The following PAM variants were observed in gnomAD, a reference collection of about 807,000 sequenced individuals.
PAM encodes peptidyl-glycine alpha-amidating monooxygenase.
A neutral mutation model predicts 122.1 loss-of-function variants in PAM; 72 were observed. That is an observed-to-expected ratio of 0.59 (90% CI 0.49 to 0.72). The LOEUF (loss-of-function observed/expected upper bound fraction) is 0.72. Ranked by LOEUF, PAM falls within the 30% of genes least tolerant of loss-of-function variation. PAM has a pLI of 0.00. For missense variants in PAM, 1,106 were observed against 1,183.7 expected (o/e 0.93, Z 0.96); for synonymous variants, 389 against 404.4 (o/e 0.96, Z 0.46).
At position 102,795,368 on chromosome 5, in the gene PAM, G is replaced by A. The variant is rs140773500; in HGVS notation, c.-374+40020G>A. Among the ~76,000 whole-genome samples the A allele has an allele frequency of 4.7e-3, 716 of 152,146 alleles. 6 individuals are homozygous for A. Among genetic ancestry groups the A allele is most frequent in the African/African-American group, 0.017 (686 of 41,506 alleles). On this transcript the variant is annotated intron_variant, in intron 1 of 25. Transcript: ENST00000438793. ...TGAGATTTTTGCAGGAACCAAATGA[G>A]ACAGGAAGAAATGTTTTAAACTGCT...
At chr5:102,794,319 T>C (rs1489593750) in intron 1 of PAM, among the ~76,000 whole-genome samples, 1 of 152,184 alleles carries the variant, frequency 6.6e-6, no homozygotes, top group East Asian at 1.9e-4. Context: ...CTGAAAGGAA[T>C]TGGCAGAAGT....
chr5:102,792,962 A>G (rs1025815029), intron 1 of PAM, among the ~76,000 whole-genome samples: 51 of 152,296 alleles, frequency 3.3e-4, no homozygotes, highest in African/African-American at 1.1e-3. Context: ...ATCAAGTAAC[A>G]TTGGAATAAT....
intron 1 of PAM, among the ~76,000 whole-genome samples, chr5:102,794,237 T>A (rs1561464175): frequency 6.6e-6 from 1 of 152,054 alleles, no homozygotes; most frequent in Non-Finnish European, 1.5e-5. Flanking sequence ...CCCACTGAGG[T>A]GAAGGAGGGA....
chr5:102,971,387 G>A (rs898053976), intron 14 of PAM, among the ~76,000 whole-genome samples: 1 of 152,106 alleles, frequency 6.6e-6, no homozygotes, highest in African/African-American at 2.4e-5. Flanking sequence ...TTACTTAAAG[G>A]CACAAAGTAG....
At chr5:102,935,219 A>G (rs995072270) in intron 7 of PAM, among the ~76,000 whole-genome samples, 2 of 151,886 alleles carry the variant, frequency 1.3e-5, no homozygotes, top group African/African-American at 2.4e-5. Context: ...CAGCATTTCT[A>G]TATGTGGAAG....
rs115210985 is a variant in PAM at position 102,859,667 on chromosome 5, G to A, written c.-373-6156G>A. ...CCTGTACAGTGTTATAAAGTCTATA[G>A]TAGTGTACAGTAATGTCCTAGGCCT... On this transcript the variant is annotated intron_variant, in intron 1 of 25. Transcript: ENST00000438793. 3.9e-3 allele frequency among the ~76,000 whole-genome samples: 600 copies of A among 152,246 alleles called. 1 individual carries two copies. The highest frequency in any genetic ancestry group is 0.014 in the African/African-American group (586 of 41,530).
chr5:102,861,018 CT>C (rs1784028113), intron 1 of PAM, among the ~76,000 whole-genome samples: 1 of 152,130 alleles, frequency 6.6e-6, no homozygotes, highest in African/African-American at 2.4e-5. Context: ...AGACTGCTCA[CT>C]CTGGGGGAAG....
intron 1 of PAM, among the ~76,000 whole-genome samples, chr5:102,763,663 AGT>A (rs1029008918): frequency 2.6e-5 from 4 of 152,182 alleles, no homozygotes; most frequent in African/African-American, 7.2e-5. Context: ...TAGGAAGAAA[AGT>A]GTTCCAGAAA....
At chr5:102,996,174 G>C (rs890187795) in intron 16 of PAM, among the ~76,000 whole-genome samples, 1 of 152,104 alleles carries the variant, frequency 6.6e-6, no homozygotes, top group African/African-American at 2.4e-5. Context: ...CATTAATGGA[G>C]AATTCAAACT....
At chr5:102,860,061 G>A (rs568218145) in intron 1 of PAM, among the ~76,000 whole-genome samples, 3 of 152,166 alleles carry the variant, frequency 2.0e-5, no homozygotes, top group South Asian at 4.1e-4. Context: ...CTCTCTATAT[G>A]TATGCTGTTC....
At chr5:102,859,410 G>GT (rs149043528) in intron 1 of PAM, among the ~76,000 whole-genome samples, 3,176 of 148,106 alleles carry the variant, frequency 0.021, 127 homozygotes, top group African/African-American at 0.073. Context: ...GTTTAATAAG[G>GT]TTTTTTTTTA....
intron 7 of PAM, among the ~76,000 whole-genome samples, chr5:102,943,785 G>C (rs1436356452): frequency 6.6e-6 from 1 of 152,110 alleles, no homozygotes; most frequent in African/African-American, 2.4e-5. Context: ...CTATATATCT[G>C]ATAAAATAAT....
chr5:102,779,839 TG>T (rs1400619247), intron 1 of PAM, among the ~76,000 whole-genome samples: 1 of 147,434 alleles, frequency 6.8e-6, no homozygotes, highest in African/African-American at 2.5e-5. Context: ...CGGCCTATTG[TG>T]GGACCTTGTG....
At chr5:102,814,861 T>G (rs961089933) in intron 1 of PAM, among the ~76,000 whole-genome samples, 2 of 152,032 alleles carry the variant, frequency 1.3e-5, no homozygotes, top group African/African-American at 4.8e-5. Context: ...CTTGCCTGAC[T>G]GTAAAACTCA....
In PAM at chr5:102,924,904, T is replaced by G. The variant is rs1324827703; in HGVS notation, c.357-53T>G. The G allele has an allele frequency of 3.2e-6, 3 of 946,530 alleles. No homozygotes were observed. The East Asian group carries it at 7.2e-5, about 23-fold the overall frequency. The allele number at this position is 946,530 out of a possible 1,614,324, so 58.6% of individuals were successfully genotyped here. Reference sequence around the variant, plus strand: ...ATCACCTCCCACCATGGGGAGCAATTTATGCATTTCACTATTTAAATCTTC... The same window carrying G: ...ATCACCTCCCACCATGGGGAGCAATGTATGCATTTCACTATTTAAATCTTC... On this transcript the variant is annotated intron_variant, in intron 5 of 25. Coordinates refer to ENST00000438793, the MANE Select transcript of PAM (RefSeq NM_001177306.2).
chr5:102,946,040 G>A (rs1039755235), intron 7 of PAM, among the ~76,000 whole-genome samples: 3 of 152,148 alleles, frequency 2.0e-5, no homozygotes, highest in Non-Finnish European at 4.4e-5. Context: ...AAGTTTCTGA[G>A]TTCACAGAAG....
chr5:103,029,433 AGT>A lies in PAM; in HGVS notation c.*371_*372del, dbSNP rs1489022638. The A allele has an allele frequency of 6.1e-5, 10 of 163,152 alleles. No homozygotes were observed. The highest frequency in any genetic ancestry group is 1.3e-4 in the Non-Finnish European group (10 of 75,480). 10.1% of individuals were successfully genotyped at this position (163,152 alleles called of 1,614,324 possible). A position where few individuals can be genotyped will look rare whatever the true frequency, so the allele number is the denominator to read the frequency against. On this transcript the variant is annotated 3_prime_UTR_variant, in exon 26 of 26. Transcript: ENST00000438793. ...TTTTCCCAATAGCACTTTCATTGCC[AGT>A]GTCTTTCTTTGGTGCCTTTCCTGTT...
At chr5:102,974,565 A>T (rs957185369) in intron 15 of PAM, 129 bp downstream of exon 15, 2 of 621,184 alleles carry the variant, frequency 3.2e-6, no homozygotes, top group Non-Finnish European at 5.4e-6. Context: ...TTAGAAAAAA[A>T]TTACTCAGAT....
intron 1 of PAM, among the ~76,000 whole-genome samples, chr5:102,845,246 C>T (rs1212396110): frequency 6.6e-6 from 1 of 152,096 alleles, no homozygotes; most frequent in Non-Finnish European, 1.5e-5. Context: ...AGGAGGGGCA[C>T]ATGAAATGAG....
Sources: allele counts gnomAD v4.1 joint callset (sites outside exome capture counted in the v4.1 genomes callset), GRCh38; gene constraint gnomAD v4.1.1; transcripts MANE v1.5; gene names NCBI Gene and HGNC (gene_info 2026-07-23, HGNC 2026-07-21).